The following LDAH variants were observed in gnomAD, a reference collection of about 807,000 sequenced individuals.
LDAH encodes the protein lipid droplet-associated hydrolase.
Under a neutral mutation model 29.6 loss-of-function variants are expected in LDAH, and 26 were observed. The observed-to-expected ratio is 0.88, with a 90% CI of 0.64 to 1.22. The LOEUF is 1.22. Among genes scored for constraint, LDAH ranks in the 50% most tolerant of loss-of-function variants. The pLI, the probability that LDAH is intolerant of heterozygous loss-of-function variation, is 0.00. For synonymous variants in LDAH, 117 were observed against 133.0 expected, an observed-to-expected ratio of 0.88 and a Z score of 0.83; for missense variants, 344 against 387.3, an observed-to-expected ratio of 0.89 and a Z score of 0.94.
At chr2:20,708,164 T>A (rs576456773) in intron 5 of LDAH, among the ~76,000 whole-genome samples, 45 of 152,320 alleles carry the variant, frequency 3.0e-4, no homozygotes, top group African/African-American at 1.0e-3. Flanking sequence ...ATAAATGTAA[T>A]GTGCTTGAAT....
intron 3 of LDAH, among the ~76,000 whole-genome samples, chr2:20,780,019 T>C: frequency 6.6e-6 from 1 of 152,156 alleles, no homozygotes; most frequent in East Asian, 1.9e-4. Flanking sequence ...CTTTCACAAC[T>C]GTCCTGAGGT....
At chr2:20,741,971 C>T (rs193005254) in intron 4 of LDAH, among the ~76,000 whole-genome samples, 22 of 152,250 alleles carry the variant, frequency 1.4e-4, no homozygotes, top group East Asian at 3.9e-4. Flanking sequence ...TTTTATGGCA[C>T]GATCCTGGCT....
intron 1 of LDAH, among the ~76,000 whole-genome samples, chr2:20,815,742 A>G (rs946018050): frequency 1.3e-5 from 2 of 152,138 alleles, no homozygotes; most frequent in African/African-American, 4.8e-5. Context: ...TTTGTCACTA[A>G]CAGACATATC....
intron 1 of LDAH, among the ~76,000 whole-genome samples, chr2:20,813,297 C>A (rs1423873369): frequency 6.6e-6 from 1 of 152,054 alleles, no homozygotes; most frequent in African/African-American, 2.4e-5. Flanking sequence ...ATATGTTAAG[C>A]ATTTATGTAT....
intron 5 of LDAH, among the ~76,000 whole-genome samples, chr2:20,703,768 T>C (rs913450342): frequency 6.6e-6 from 1 of 152,198 alleles, no homozygotes; most frequent in Non-Finnish European, 1.5e-5. Flanking sequence ...TTCACTGCCT[T>C]CTTGGGTTGT....
intron 2 of LDAH, among the ~76,000 whole-genome samples, chr2:20,799,769 C>T (rs1671541647): frequency 6.6e-6 from 1 of 151,092 alleles, no homozygotes; most frequent in African/African-American, 2.4e-5. Flanking sequence ...ATCATTTAAG[C>T]TTTTTTTTTC....
chr2:20,772,550 T>C (rs1417380387), intron 4 of LDAH, among the ~76,000 whole-genome samples: 1 of 152,226 alleles, frequency 6.6e-6, no homozygotes, highest in Non-Finnish European at 1.5e-5. Flanking sequence ...CAGCTCCCAG[T>C]GACTTTCACC....
intron 4 of LDAH, among the ~76,000 whole-genome samples, chr2:20,750,997 T>C (rs1458849235): frequency 2.6e-5 from 4 of 152,196 alleles, no homozygotes; most frequent in African/African-American, 9.6e-5. Flanking sequence ...ATAAACACTA[T>C]GGACCACTTG....
chr2:20,718,843 A>G (rs1665435600), intron 5 of LDAH, among the ~76,000 whole-genome samples: 1 of 152,174 alleles, frequency 6.6e-6, no homozygotes, highest in Non-Finnish European at 1.5e-5. Context: ...ATAAAACTAG[A>G]ATCTTTGCAA....
At chr2:20,724,488 A>G (rs1208018456) in intron 5 of LDAH, among the ~76,000 whole-genome samples, 1 of 152,184 alleles carries the variant, frequency 6.6e-6, no homozygotes, top group Non-Finnish European at 1.5e-5. Flanking sequence ...ACTGACAGAG[A>G]AGGTTACTCA....
intron 2 of LDAH, among the ~76,000 whole-genome samples, chr2:20,795,908 T>C (rs1671270058): frequency 6.6e-6 from 1 of 151,044 alleles, no homozygotes. Flanking sequence ...TCCTGATTAT[T>C]ACCACAGTGT....
intron 3 of LDAH, among the ~76,000 whole-genome samples, chr2:20,785,072 T>G (rs1670454530): frequency 6.6e-6 from 1 of 152,190 alleles, no homozygotes; most frequent in South Asian, 2.1e-4. Flanking sequence ...TTTTATTACT[T>G]TGAATAAACA....
intron 4 of LDAH, among the ~76,000 whole-genome samples, chr2:20,767,055 C>T (rs957712227): frequency 1.3e-5 from 2 of 152,194 alleles, no homozygotes; most frequent in African/African-American, 2.4e-5. Flanking sequence ...ACAATCTGGG[C>T]GAGGGGGAGC....
chr2:20,703,853 T>G (rs928844637), intron 5 of LDAH, among the ~76,000 whole-genome samples: 4 of 152,216 alleles, frequency 2.6e-5, no homozygotes, highest in African/African-American at 4.8e-5. Flanking sequence ...GAGCACCTAC[T>G]TACTTTATGC....
intron 4 of LDAH, among the ~76,000 whole-genome samples, chr2:20,757,908 C>T (rs1668441262): frequency 6.6e-6 from 1 of 152,098 alleles, no homozygotes; most frequent in Non-Finnish European, 1.5e-5. Context: ...GACCTTTGGA[C>T]TGAAACTACA....
At chr2:20,806,407 G>A (rs1672068971) in intron 1 of LDAH, among the ~76,000 whole-genome samples, 1 of 152,060 alleles carries the variant, frequency 6.6e-6, no homozygotes, top group Non-Finnish European at 1.5e-5. Flanking sequence ...CTATTCCTAG[G>A]CACTAGTATT....
At chr2:20,710,458 A>G (rs1664632991) in intron 5 of LDAH, among the ~76,000 whole-genome samples, 1 of 151,650 alleles carries the variant, frequency 6.6e-6, no homozygotes, top group South Asian at 2.1e-4. Context: ...TTCACAAAGA[A>G]AACCCCAGGC....
chr2:20,736,337 G>A (rs1666781323), intron 5 of LDAH, among the ~76,000 whole-genome samples: 1 of 152,096 alleles, frequency 6.6e-6, no homozygotes, highest in South Asian at 2.1e-4. Flanking sequence ...AACTACTTGG[G>A]AGACTGAGGC....
At position 20,710,706 on chromosome 2, in the gene LDAH, C is replaced by T. The variant is rs1353031892; in HGVS notation, c.704-9054G>A. 4.2e-5 allele frequency among the ~76,000 whole-genome samples: 6 copies of T among 143,718 alleles called. No individual in the cohort carries two copies. In the East Asian group the frequency reaches 5.9e-4, roughly 14 times the overall value. The allele number at this position is 143,718 out of a possible 152,430, so 94.3% of individuals were successfully genotyped here. A position where few individuals can be genotyped will look rare whatever the true frequency, so the allele number is the denominator to read the frequency against. On this transcript the variant is annotated intron_variant, in intron 5 of 6. Transcript: ENST00000237822. ...TACACATATATATTATACATATATA[C>T]ACATATATTATACATATATATACAT...
Sources: gnomAD v4.1 joint callset for allele counts (sites outside exome capture counted in the v4.1 genomes callset) on GRCh38, gnomAD v4.1.1 for gene constraint, MANE v1.5 for transcripts, NCBI Gene and HGNC (gene_info 2026-07-23, HGNC 2026-07-21) for gene names.